Variants in FAM167A observed in about 807,000 individuals in gnomAD.
The protein encoded by FAM167A is protein FAM167A.
A neutral mutation model predicts 14.9 loss-of-function variants in FAM167A; 23 were observed. The observed-to-expected ratio is 1.55, with a 90% CI of 1.11 to 2.19. The LOEUF (loss-of-function observed/expected upper bound fraction) is 2.19, where lower values mean the gene tolerates loss of function less well. Ranked by LOEUF, FAM167A falls within the 30% of genes most tolerant of loss-of-function variation. FAM167A has a pLI of 0.00. For missense variants in FAM167A, 401 were observed against 281.5 expected (o/e 1.42, Z -3.04); for synonymous variants, 174 against 117.7 (o/e 1.48, Z -3.10).
intron 1 of FAM167A, among the ~76,000 whole-genome samples, chr8:11,454,068 G>C (rs560633711): frequency 6.6e-6 from 1 of 152,324 alleles, no homozygotes; most frequent in South Asian, 2.1e-4. Context: ...TTTCTGGAAG[G>C]AAGAATTAGC....
At chr8:11,429,888 A>G (rs1165320400) in intron 2 of FAM167A, among the ~76,000 whole-genome samples, 2 of 152,246 alleles carry the variant, frequency 1.3e-5, no homozygotes, top group Non-Finnish European at 2.9e-5. Context: ...GACAGTGAGA[A>G]TGAAATTCGA....
intron 1 of FAM167A, among the ~76,000 whole-genome samples, chr8:11,461,204 C>G (rs1453208551): frequency 3.3e-5 from 5 of 152,222 alleles, no homozygotes; most frequent in Non-Finnish European, 7.3e-5. Context: ...TGGTGTGTCC[C>G]TTCCAAGGCT....
At chr8:11,466,914 G>A (rs1312042441), upstream of FAM167A, 1 of 152,198 alleles carries the variant, frequency 6.6e-6, no homozygotes, top group Non-Finnish European at 1.5e-5. Context: ...GCGCCCTGTC[G>A]GTTCACCGGC....
rs923747374 is a variant in FAM167A at position 11,424,208 on chromosome 8, C to G, written c.*165G>C. The G allele has an allele frequency of 3.7e-6, 3 of 813,200 alleles. No individual in the cohort carries two copies. Among genetic ancestry groups the G allele is most frequent in the South Asian group, 1.8e-5 (1 of 54,940 alleles). The allele number at this position is 813,200 out of a possible 1,614,324, so 50.4% of individuals were successfully genotyped here. On this transcript the variant is annotated 3_prime_UTR_variant, in exon 3 of 3. Transcript: ENST00000284486. Reference sequence around the variant, plus strand: ...ACACTGGCATCCACACCCAGGGCCCCTGGGTGGGAGAGCACCACTGAATAG... The same window carrying G: ...ACACTGGCATCCACACCCAGGGCCCGTGGGTGGGAGAGCACCACTGAATAG...
At chr8:11,447,963 AG>A in intron 1 of FAM167A, among the ~76,000 whole-genome samples, 1 of 152,302 alleles carries the variant, frequency 6.6e-6, no homozygotes, top group African/African-American at 2.4e-5. Flanking sequence ...TGGGAGGCCG[AG>A]GCGGGTGGAT....
Position 11,444,315 on chromosome 8 carries a change from G to T in FAM167A, c.97C>A (p.Leu33Ile). The change falls in exon 2 of 3, where the codon CTC becomes ATC. Residue 33 changes from leucine to isoleucine, a missense_variant. Transcript: ENST00000284486. ...GTCTCCAGCCTCAGTTTCTCGGTGAGGGCCTTCAGGCTCCGGAGGTGGTCA... is the reference window on the plus strand; with the variant it reads ...GTCTCCAGCCTCAGTTTCTCGGTGATGGCCTTCAGGCTCCGGAGGTGGTCA... The part of the protein sequence containing the change: ...PDDHLRSLKA[L>I]TEKLRLETRR... 2 of 1,612,320 alleles carry T rather than the reference G, an allele frequency of 1.2e-6. No homozygotes were observed. The highest frequency in any genetic ancestry group is 8.5e-7 in the Non-Finnish European group (1 of 1,179,686).
chr8:11,465,373 C>T (rs1055756503), intron 1 of FAM167A, among the ~76,000 whole-genome samples: 2 of 152,188 alleles, frequency 1.3e-5, no homozygotes, highest in Admixed American at 6.5e-5. Context: ...GGTGTGGGAG[C>T]CACACCAGGT....
intron 2 of FAM167A, 127 bp downstream of exon 2, chr8:11,443,904 T>C: frequency 8.7e-7 from 1 of 1,155,282 alleles, no homozygotes; most frequent in Non-Finnish European, 1.2e-6. Context: ...GATGTGCACT[T>C]GGGGGTTAGA....
At chr8:11,427,968 C>T (rs528912734) in intron 2 of FAM167A, among the ~76,000 whole-genome samples, 3 of 152,312 alleles carry the variant, frequency 2.0e-5, no homozygotes, top group African/African-American at 4.8e-5. Context: ...CTAGGTGCTA[C>T]CTAAACCCTT....
intron 2 of FAM167A, among the ~76,000 whole-genome samples, chr8:11,436,699 C>T (rs984010753): frequency 2.6e-5 from 4 of 152,188 alleles, no homozygotes; most frequent in East Asian, 1.9e-4. Flanking sequence ...AATGGAGTGC[C>T]GAAGTGCCCT....
intron 2 of FAM167A, among the ~76,000 whole-genome samples, chr8:11,432,421 C>T (rs1805671448): frequency 6.6e-6 from 1 of 152,166 alleles, no homozygotes; most frequent in African/African-American, 2.4e-5. Flanking sequence ...TATGAACAGA[C>T]ACTTCTCAAA....
chr8:11,475,610 G>A (rs564860863), intron 1 of FAM167A, among the ~76,000 whole-genome samples: 4 of 152,110 alleles, frequency 2.6e-5, no homozygotes, highest in Non-Finnish European at 4.4e-5. Context: ...GCCATCAGAA[G>A]AGCCATTACG....
chr8:11,456,032 A>G (rs1463670790), intron 1 of FAM167A, among the ~76,000 whole-genome samples: 147 of 16,852 alleles, frequency 8.7e-3, no homozygotes, highest in South Asian at 0.018. Flanking sequence ...CCTGCTGGGT[A>G]TGAGTGTGAG....
intron 1 of FAM167A, 97 bp from the exon 2 acceptor site, chr8:11,444,905 G>C (rs1028056471): frequency 2.2e-6 from 2 of 924,426 alleles, no homozygotes; most frequent in African/African-American, 3.6e-5. Flanking sequence ...GAGGCTCAGA[G>C]TGGACTGGTG....
chr8:11,467,898 G>T (rs1807834801), upstream of FAM167A, among the ~76,000 whole-genome samples: 1 of 152,254 alleles, frequency 6.6e-6, no homozygotes, highest in Admixed American at 6.5e-5. Context: ...GCTAATGAGG[G>T]AACGGTCCTA....
At chr8:11,432,879 A>C (rs894861438) in intron 2 of FAM167A, among the ~76,000 whole-genome samples, 1 of 152,250 alleles carries the variant, frequency 6.6e-6, no homozygotes, top group Non-Finnish European at 1.5e-5. Flanking sequence ...AATACTATGC[A>C]GCCATAAAAA....
At chr8:11,431,341 C>A (rs1805575677) in intron 2 of FAM167A, among the ~76,000 whole-genome samples, 1 of 152,178 alleles carries the variant, frequency 6.6e-6, no homozygotes, top group Non-Finnish European at 1.5e-5. Context: ...CTAGCGTAGT[C>A]CAATTCATAG....
chr8:11,434,356 AG>A (rs1805844740), intron 2 of FAM167A, among the ~76,000 whole-genome samples: 1 of 151,942 alleles, frequency 6.6e-6, no homozygotes, highest in Non-Finnish European at 1.5e-5. Context: ...TGTGGATGGG[AG>A]GGGGGCAGGT....
intron 1 of FAM167A, among the ~76,000 whole-genome samples, chr8:11,461,608 C>G (rs986983157): frequency 1.3e-5 from 2 of 152,248 alleles, no homozygotes; most frequent in Non-Finnish European, 2.9e-5. Context: ...GCTAAGGACA[C>G]GGGGGATGTG....
Sources: allele counts gnomAD v4.1 joint callset (sites outside exome capture counted in the v4.1 genomes callset), GRCh38; gene constraint gnomAD v4.1.1; transcripts MANE v1.5; gene names NCBI Gene and HGNC (gene_info 2026-07-23, HGNC 2026-07-21).